Variants in DLGAP1 observed in about 807,000 individuals in gnomAD.
DLGAP1 encodes the protein DLG associated protein 1, also known as disks large-associated protein 1.
A neutral mutation model predicts 90.8 loss-of-function variants in DLGAP1; 11 were observed. The observed-to-expected ratio is 0.12, with a 90% CI of 0.08 to 0.20. The LOEUF is 0.20. Ranked by LOEUF, DLGAP1 falls within the 10% of genes least tolerant of loss-of-function variation. DLGAP1 has a pLI of 1.00. For missense variants in DLGAP1, 1,050 were observed against 1,333.8 expected (o/e 0.79, Z 3.31); for synonymous variants, 558 against 540.7 (o/e 1.03, Z -0.44).
At chr18:3,828,101 CTTAAA>C (rs2067820544) in intron 4 of DLGAP1, among the ~76,000 whole-genome samples, 1 of 152,078 alleles carries the variant, frequency 6.6e-6, no homozygotes, top group Non-Finnish European at 1.5e-5. Context: ...AAGAATATTT[CTTAAA>C]ACCTCTGTGT....
intron 7 of DLGAP1, among the ~76,000 whole-genome samples, chr18:3,585,882 C>T (rs1264798966): frequency 6.6e-6 from 1 of 152,142 alleles, no homozygotes; most frequent in Middle Eastern, 3.2e-3. Flanking sequence ...AGTAAAAATC[C>T]TGCCATGATG....
intron 1 of DLGAP1, among the ~76,000 whole-genome samples, chr18:4,248,101 A>C (rs16946309): frequency 0.01 from 1,537 of 152,184 alleles, 33 homozygotes; most frequent in African/African-American, 0.035. Flanking sequence ...TAGACTTGGC[A>C]CTTGAGTTCC....
chr18:3,857,858 C>G (rs1440044416), intron 4 of DLGAP1, among the ~76,000 whole-genome samples: 1 of 152,200 alleles, frequency 6.6e-6, no homozygotes, highest in Non-Finnish European at 1.5e-5. Flanking sequence ...ATAAATCCAG[C>G]TGCCTTCATT....
At chr18:3,845,648 C>T (rs2068964154) in intron 4 of DLGAP1, 1 of 971,816 alleles carries the variant, frequency 1.0e-6, no homozygotes, top group South Asian at 4.8e-5. Context: ...GATCACTTTG[C>T]AGCCCATATA....
intron 1 of DLGAP1, among the ~76,000 whole-genome samples, chr18:4,237,463 G>A (rs1224490027): frequency 1.3e-5 from 2 of 152,090 alleles, no homozygotes; most frequent in South Asian, 2.1e-4. Flanking sequence ...CAGGGTTAAT[G>A]CCTTGATTCT....
chr18:3,504,819 A>G (rs1320358334), intron 11 of DLGAP1, among the ~76,000 whole-genome samples: 2 of 152,218 alleles, frequency 1.3e-5, no homozygotes, highest in African/African-American at 2.4e-5. Flanking sequence ...CCATTCTCCA[A>G]ATCAGTGAGT....
At chr18:3,913,431 A>T (rs1323726170) in intron 3 of DLGAP1, among the ~76,000 whole-genome samples, 1 of 152,184 alleles carries the variant, frequency 6.6e-6, no homozygotes, top group Non-Finnish European at 1.5e-5. Flanking sequence ...GCTGTTATGG[A>T]ACTACAGGTA....
At chr18:3,798,032 C>G (rs575969013) in intron 5 of DLGAP1, among the ~76,000 whole-genome samples, 1 of 152,152 alleles carries the variant, frequency 6.6e-6, no homozygotes, top group African/African-American at 2.4e-5. Flanking sequence ...TGAGGCCTCC[C>G]CAGCCACATG....
chr18:3,811,001 T>C (rs1361585396), intron 5 of DLGAP1, among the ~76,000 whole-genome samples: 1 of 152,106 alleles, frequency 6.6e-6, no homozygotes, highest in African/African-American at 2.4e-5. Flanking sequence ...AGACAAGGTT[T>C]TGCCATGTTG....
chr18:4,291,415 G>C (rs1252587083), intron 1 of DLGAP1, among the ~76,000 whole-genome samples: 1 of 152,034 alleles, frequency 6.6e-6, no homozygotes, highest in Admixed American at 6.6e-5. Flanking sequence ...TATTCATTAA[G>C]CATATTGTTT....
chr18:4,289,513 T>A (rs1334035176), intron 1 of DLGAP1, among the ~76,000 whole-genome samples: 1 of 152,180 alleles, frequency 6.6e-6, no homozygotes, highest in Non-Finnish European at 1.5e-5. Flanking sequence ...TCTTCCAACA[T>A]CCATGTGAAT....
At chr18:3,829,551 G>GA (rs966970506) in intron 4 of DLGAP1, among the ~76,000 whole-genome samples, 7 of 150,740 alleles carry the variant, frequency 4.6e-5, no homozygotes, top group Non-Finnish European at 7.4e-5. Flanking sequence ...AAGAGAACAG[G>GA]AAAAAAAAAG....
chr18:3,500,504 C>T (rs2049873286), intron 12 of DLGAP1, among the ~76,000 whole-genome samples: 1 of 152,182 alleles, frequency 6.6e-6, no homozygotes, highest in South Asian at 2.1e-4. Context: ...AGCAATTCCT[C>T]CCTGCTTGCC....
At chr18:3,771,177 A>T (rs2064515689) in intron 5 of DLGAP1, 1 of 152,238 alleles carries the variant, frequency 6.6e-6, no homozygotes, top group Admixed American at 6.5e-5. Flanking sequence ...GCACGAGCTC[A>T]GGGCAGCAAG....
chr18:3,810,549 C>A (rs1351295297), intron 5 of DLGAP1, among the ~76,000 whole-genome samples: 1 of 151,944 alleles, frequency 6.6e-6, no homozygotes, highest in Admixed American at 6.6e-5. Context: ...AAAAAAAAAT[C>A]GACTTAAATG....
chr18:3,866,943 C>T (rs1012880347), intron 4 of DLGAP1, among the ~76,000 whole-genome samples: 4 of 152,180 alleles, frequency 2.6e-5, no homozygotes, highest in African/African-American at 7.2e-5. Context: ...CTCTGCTTCG[C>T]GGGTTCAAGC....
At chr18:3,676,788 G>C (rs1210428917) in intron 7 of DLGAP1, among the ~76,000 whole-genome samples, 1 of 151,728 alleles carries the variant, frequency 6.6e-6, no homozygotes, top group Non-Finnish European at 1.5e-5. Flanking sequence ...TTAATTTAAA[G>C]CATTTTCATG....
At position 3,744,636 on chromosome 18, in the gene DLGAP1, C is replaced by T. The variant is rs556266321; in HGVS notation, c.1173-2124G>A. ...GTGTAGCTCACTGCAACCTTCACCT[C>T]CTGGGTTCAAGTGATTCTCCTGCCT... On this transcript the variant is annotated intron_variant, in intron 5 of 12. Transcript: ENST00000315677. Among the ~76,000 whole-genome samples, 7 of 152,292 alleles carry T rather than the reference C, an allele frequency of 4.6e-5. No homozygotes were observed. In the South Asian group the frequency reaches 1.5e-3, roughly 32 times the overall value.
chr18:3,932,237 A>T (rs959579085), intron 3 of DLGAP1, among the ~76,000 whole-genome samples: 1 of 152,164 alleles, frequency 6.6e-6, no homozygotes, highest in Non-Finnish European at 1.5e-5. Flanking sequence ...TGGCAGCTTG[A>T]GGTTGGTAGG....
Sources: gnomAD v4.1 joint callset for allele counts (sites outside exome capture counted in the v4.1 genomes callset) on GRCh38, gnomAD v4.1.1 for gene constraint, MANE v1.5 for transcripts, NCBI Gene and HGNC (gene_info 2026-07-23, HGNC 2026-07-21) for gene names.